GALNT13: variants seen among roughly 807,000 people sequenced by gnomAD.
GALNT13 encodes UDP-GalNAc:polypeptide N-acetylgalactosaminyltransferase 13.
Under a neutral mutation model 64.2 loss-of-function variants are expected in GALNT13, and 28 were observed. The observed-to-expected ratio is 0.44, with a 90% CI of 0.32 to 0.60. GALNT13 has a LOEUF of 0.60. GALNT13 is among the 20% of genes least tolerant of loss of function. The probability of loss-of-function intolerance (pLI) is 0.05; values close to 1 mark genes in which losing one functional copy is unlikely to be tolerated. For synonymous variants in GALNT13, 214 were observed against 224.6 expected, an observed-to-expected ratio of 0.95 and a Z score of 0.42; for missense variants, 577 against 669.8, an observed-to-expected ratio of 0.86 and a Z score of 1.53.
chr2:154,084,577 CT>C (rs774057884), intron 3 of GALNT13, among the ~76,000 whole-genome samples: 2 of 151,882 alleles, frequency 1.3e-5, no homozygotes, highest in Non-Finnish European at 2.9e-5. Flanking sequence ...TCACTTGCCT[CT>C]ATTACAAATG....
the GALNT13 span, among the ~76,000 whole-genome samples, chr2:153,183,636 A>G: frequency 6.6e-6 from 1 of 152,026 alleles, no homozygotes; most frequent in Non-Finnish European, 1.5e-5. Flanking sequence ...CATCTTGGTT[A>G]ATTTTTGCAC....
chr2:154,268,867 G>A (rs775231453), intron 8 of GALNT13, among the ~76,000 whole-genome samples: 1 of 152,004 alleles, frequency 6.6e-6, no homozygotes, highest in Non-Finnish European at 1.5e-5. Context: ...TAAACTGTAT[G>A]GCAATATTAC....
Position 154,150,538 on chromosome 2 carries a change from G to A in GALNT13, c.311+10033G>A, listed in dbSNP as rs531485671. The stretch of plus-strand genomic sequence containing the variant: ...CCTCCTTGTACCTCTGGTAGAATTC[G>A]GCTGTGAATCCATCTGGTCCTGGAC... On this transcript the variant is annotated intron_variant, in intron 4 of 12. Coordinates refer to ENST00000392825, the MANE Select transcript of GALNT13 (RefSeq NM_052917.4). Among the ~76,000 whole-genome samples the A allele has an allele frequency of 3.5e-3, 532 of 152,158 alleles. 3 individuals carry two copies. The highest frequency in any genetic ancestry group is 0.012 in the African/African-American group (504 of 41,536).
At chr2:153,153,615 C>G in the GALNT13 span, among the ~76,000 whole-genome samples, 1 of 150,592 alleles carries the variant, frequency 6.6e-6, no homozygotes, top group Admixed American at 6.6e-5. Flanking sequence ...ATATGGCTAG[C>G]CAATTATCCC....
At chr2:153,308,694 T>C in the GALNT13 span, among the ~76,000 whole-genome samples, 1 of 152,164 alleles carries the variant, frequency 6.6e-6, no homozygotes, top group Non-Finnish European at 1.5e-5. Context: ...CAGATAAGTG[T>C]TGAGTCACAG....
the GALNT13 span, among the ~76,000 whole-genome samples, chr2:153,175,311 G>T: frequency 6.6e-6 from 1 of 152,134 alleles, no homozygotes; most frequent in Non-Finnish European, 1.5e-5. Flanking sequence ...CTGTCTGTTT[G>T]TATGTGTGTG....
chr2:153,658,302 C>A, the GALNT13 span, among the ~76,000 whole-genome samples: 4 of 152,134 alleles, frequency 2.6e-5, no homozygotes, highest in South Asian at 8.3e-4. Flanking sequence ...GCATCACATC[C>A]CACTTCTGCC....
At chr2:154,382,673 G>T (rs1457968261) in intron 9 of GALNT13, among the ~76,000 whole-genome samples, 13 of 151,936 alleles carry the variant, frequency 8.6e-5, no homozygotes, top group Admixed American at 7.9e-4. Flanking sequence ...GCCTTTTCCA[G>T]CTTACTCATT....
At chr2:154,011,045 A>G (rs1696600134) in intron 3 of GALNT13, among the ~76,000 whole-genome samples, 1 of 151,804 alleles carries the variant, frequency 6.6e-6, no homozygotes, top group Admixed American at 6.6e-5. Flanking sequence ...TTCCACAAAA[A>G]CAAACTTTTC....
At chr2:153,496,817 C>T in the GALNT13 span, among the ~76,000 whole-genome samples, 2 of 151,650 alleles carry the variant, frequency 1.3e-5, no homozygotes, top group East Asian at 1.9e-4. Context: ...GAAACCCCAT[C>T]GCTACTAAAA....
chr2:153,342,338 G>A, the GALNT13 span, among the ~76,000 whole-genome samples: 1 of 151,980 alleles, frequency 6.6e-6, no homozygotes, highest in Non-Finnish European at 1.5e-5. Context: ...TTTTGAGTTT[G>A]TGAATAATAT....
the GALNT13 span, among the ~76,000 whole-genome samples, chr2:153,096,945 C>G: frequency 6.6e-6 from 1 of 151,972 alleles, no homozygotes; most frequent in African/African-American, 2.4e-5. Context: ...TCTTTTCCTT[C>G]TTTCATTTAT....
At chr2:154,064,261 A>G (rs1400728303) in intron 3 of GALNT13, among the ~76,000 whole-genome samples, 4 of 152,174 alleles carry the variant, frequency 2.6e-5, no homozygotes, top group Non-Finnish European at 5.9e-5. Context: ...ACTGTGGTCT[A>G]AGGTGCTCTT....
chr2:154,362,837 A>G (rs1193912789), intron 9 of GALNT13, among the ~76,000 whole-genome samples: 1 of 152,196 alleles, frequency 6.6e-6, no homozygotes, highest in East Asian at 1.9e-4. Flanking sequence ...CATGAGTGTG[A>G]GGATACTATA....
At chr2:154,438,493 C>A in intron 11 of GALNT13, 99 bp from the exon 12 acceptor site, 1 of 799,608 alleles carries the variant, frequency 1.3e-6, no homozygotes, top group Non-Finnish European at 1.9e-6. Context: ...CGTTTGAAAA[C>A]ACAAGTTTAT....
intron 3 of GALNT13, among the ~76,000 whole-genome samples, chr2:153,993,721 T>TA (rs1695323343): frequency 6.8e-6 from 1 of 147,242 alleles, no homozygotes; most frequent in South Asian, 2.2e-4. Context: ...AAAGATAAAT[T>TA]AAGCTAAATT....
the GALNT13 span, among the ~76,000 whole-genome samples, chr2:153,813,010 T>C: frequency 6.6e-6 from 1 of 152,218 alleles, no homozygotes; most frequent in Admixed American, 6.5e-5. Flanking sequence ...TGGTTTCCCC[T>C]TCACTTTATC....
intron 8 of GALNT13, among the ~76,000 whole-genome samples, chr2:154,265,470 G>A (rs1485363081): frequency 6.6e-6 from 1 of 152,072 alleles, no homozygotes; most frequent in Non-Finnish European, 1.5e-5. Context: ...AGGCCGAGGA[G>A]GGCAGATCAC....
the GALNT13 span, among the ~76,000 whole-genome samples, chr2:153,431,941 A>C: frequency 5.3e-5 from 8 of 152,222 alleles, no homozygotes; most frequent in Non-Finnish European, 1.0e-4. Flanking sequence ...TGCAGCTGTA[A>C]TAGCTCCTAG....
Sources: allele counts gnomAD v4.1 joint callset (sites outside exome capture counted in the v4.1 genomes callset), GRCh38; gene constraint gnomAD v4.1.1; transcripts MANE v1.5; gene names NCBI Gene and HGNC (gene_info 2026-07-23, HGNC 2026-07-21).